The following CRTAC1 variants were observed in gnomAD, a reference collection of about 807,000 sequenced individuals.
The protein encoded by CRTAC1 is acidic secreted protein in cartilage.
In CRTAC1, 37 loss-of-function variants were observed where a neutral mutation model predicts 67.8. The ratio of observed to expected loss-of-function variants is 0.55; its 90% confidence interval spans 0.42 to 0.72. CRTAC1 has a LOEUF of 0.72. Among genes scored for constraint, CRTAC1 ranks in the 30% least tolerant of loss-of-function variants. The pLI, the probability that CRTAC1 is intolerant of heterozygous loss-of-function variation, is 0.00. For missense variants in CRTAC1, 780 were observed against 931.6 expected (o/e 0.84, Z 2.12); for synonymous variants, 348 against 371.0 (o/e 0.94, Z 0.71).
At chr10:97,889,895 C>G (rs374768495) in intron 11 of CRTAC1, among the ~76,000 whole-genome samples, 8 of 152,248 alleles carry the variant, frequency 5.3e-5, no homozygotes, top group African/African-American at 1.9e-4. Context: ...TCAAGGCAGG[C>G]CTTTCTCAGA....
chr10:97,976,573 T>A (rs1271862284), intron 2 of CRTAC1, among the ~76,000 whole-genome samples: 2 of 152,236 alleles, frequency 1.3e-5, no homozygotes, highest in Non-Finnish European at 2.9e-5. Context: ...AAGACCTTAC[T>A]ACATCGCAGC....
intron 9 of CRTAC1, 135 bp downstream of exon 9, chr10:97,896,774 G>A (rs2050465241): frequency 7.3e-6 from 4 of 549,808 alleles, no homozygotes; most frequent in Non-Finnish European, 9.2e-6. Context: ...CTGCCCTTGA[G>A]TCTCAGCCCT....
chr10:97,925,089 G>T (rs1334068419), intron 3 of CRTAC1, among the ~76,000 whole-genome samples: 1 of 152,106 alleles, frequency 6.6e-6, no homozygotes, highest in East Asian at 1.9e-4. Flanking sequence ...AACATAGCAA[G>T]ACCCCATCTT....
intron 5 of CRTAC1, among the ~76,000 whole-genome samples, chr10:97,909,991 G>T (rs2050666401): frequency 6.6e-6 from 1 of 150,842 alleles, no homozygotes; most frequent in South Asian, 2.1e-4. Context: ...CTTATATGTG[G>T]AATCTAAAAA....
At chr10:97,903,783 C>G (rs890758130) in intron 7 of CRTAC1, among the ~76,000 whole-genome samples, 2 of 152,140 alleles carry the variant, frequency 1.3e-5, no homozygotes, top group Admixed American at 6.5e-5. Flanking sequence ...GCTGTTGGCA[C>G]CTCCATCACT....
chr10:97,999,655 G>A (rs538912134), intron 2 of CRTAC1, among the ~76,000 whole-genome samples: 20 of 152,356 alleles, frequency 1.3e-4, no homozygotes, highest in South Asian at 8.3e-4. Context: ...TACCTTTAGG[G>A]CAGGGAGGGC....
At chr10:97,871,233 T>C (rs1429428176) in intron 14 of CRTAC1, 2 of 152,214 alleles carry the variant, frequency 1.3e-5, no homozygotes, top group African/African-American at 4.8e-5. Context: ...GAACTTCGCA[T>C]GCAGGATCCT....
At chr10:97,901,050 C>G (rs867901614) in intron 8 of CRTAC1, among the ~76,000 whole-genome samples, 83 of 122,938 alleles carry the variant, frequency 6.8e-4, no homozygotes, top group African/African-American at 2.7e-3. Flanking sequence ...AGTGATTGGA[C>G]CCCGTAGCCC....
At chr10:97,875,496 A>C (rs917687820) in intron 14 of CRTAC1, among the ~76,000 whole-genome samples, 4 of 152,208 alleles carry the variant, frequency 2.6e-5, no homozygotes, top group Admixed American at 6.5e-5. Flanking sequence ...TAACCAGCCC[A>C]TGTTCTCTTG....
intron 14 of CRTAC1, chr10:97,870,571 G>A (rs1417977260): frequency 6.6e-6 from 1 of 152,134 alleles, no homozygotes; most frequent in African/African-American, 2.4e-5. Flanking sequence ...ATACTTAAGA[G>A]CTGTGTATTT....
chr10:97,943,749 T>C (rs1025751559), intron 2 of CRTAC1, among the ~76,000 whole-genome samples: 9 of 152,264 alleles, frequency 5.9e-5, no homozygotes, highest in African/African-American at 2.2e-4. Flanking sequence ...TTTATTGGAA[T>C]GCAGACATAC....
intron 3 of CRTAC1, among the ~76,000 whole-genome samples, chr10:97,932,619 C>T (rs945147962): frequency 2.6e-5 from 4 of 152,134 alleles, no homozygotes; most frequent in Admixed American, 2.6e-4. Context: ...TGGAGAACAT[C>T]AGTGGGAAAA....
chr10:97,944,756 C>T (rs2051238596), intron 2 of CRTAC1, among the ~76,000 whole-genome samples: 1 of 152,204 alleles, frequency 6.6e-6, no homozygotes, highest in Non-Finnish European at 1.5e-5. Context: ...CCAGTAGCTT[C>T]CACTTAGTCT....
chr10:97,927,180 C>G (rs1289183070), intron 3 of CRTAC1, among the ~76,000 whole-genome samples: 2 of 152,166 alleles, frequency 1.3e-5, no homozygotes, highest in Admixed American at 1.3e-4. Flanking sequence ...ACTCTGTCCC[C>G]CTCTGTTTGC....
intron 2 of CRTAC1, among the ~76,000 whole-genome samples, chr10:98,008,498 C>A (rs1369816303): frequency 6.6e-6 from 1 of 151,878 alleles, no homozygotes; most frequent in East Asian, 2.0e-4. Flanking sequence ...CCATGAGAAG[C>A]AGAGTTGGCT....
chr10:97,969,119 A>G (rs771125706), intron 2 of CRTAC1, among the ~76,000 whole-genome samples: 8 of 152,118 alleles, frequency 5.3e-5, no homozygotes, highest in Non-Finnish European at 1.0e-4. Context: ...TAACACTGAT[A>G]TGTCTTCAAG....
intron 3 of CRTAC1, among the ~76,000 whole-genome samples, chr10:97,925,646 TGA>T: frequency 1.9e-5 from 2 of 103,112 alleles, no homozygotes; most frequent in African/African-American, 7.6e-5. Context: ...TGAGTGAGAA[TGA>T]GTGTGGGCAT....
chr10:97,991,067 C>A (rs1207000429), intron 2 of CRTAC1, among the ~76,000 whole-genome samples: 1 of 116,446 alleles, frequency 8.6e-6, no homozygotes, highest in Non-Finnish European at 1.6e-5. Context: ...AGTTTGAGAC[C>A]AATCTTGGCA....
chr10:97,940,465 C>G (rs976524153), intron 2 of CRTAC1, among the ~76,000 whole-genome samples: 1 of 152,244 alleles, frequency 6.6e-6, no homozygotes, highest in Admixed American at 6.5e-5. Flanking sequence ...TGTTTTGAAG[C>G]AGCTATGGCT....
Sources: gnomAD v4.1 joint callset for allele counts (sites outside exome capture counted in the v4.1 genomes callset) on GRCh38, gnomAD v4.1.1 for gene constraint, MANE v1.5 for transcripts, NCBI Gene and HGNC (gene_info 2026-07-23, HGNC 2026-07-21) for gene names.